The following XPR1 variants were observed in gnomAD, a reference collection of about 807,000 sequenced individuals.
XPR1 encodes the protein xenotropic and polytropic retrovirus receptor 1.
A neutral mutation model predicts 87.5 loss-of-function variants in XPR1; 28 were observed. The ratio of observed to expected loss-of-function variants is 0.32; its 90% CI spans 0.24 to 0.44. XPR1 has a LOEUF of 0.44. Among genes scored for constraint, XPR1 ranks in the 20% least tolerant of loss-of-function variants. The probability of loss-of-function intolerance (pLI) is 1.00; values close to 1 mark genes in which losing one functional copy is unlikely to be tolerated. For missense variants in XPR1, 559 were observed against 862.3 expected, an observed-to-expected ratio of 0.65 and a Z score of 4.41; for synonymous variants, 300 against 306.1, an observed-to-expected ratio of 0.98 and a Z score of 0.21.
intron 2 of XPR1, among the ~76,000 whole-genome samples, chr1:180,687,949 A>G (rs73051239): frequency 0.037 from 5,543 of 151,086 alleles, 194 homozygotes; most frequent in African/African-American, 0.09. Context: ...CTACTCTTCT[A>G]TGTAATCACT....
chr1:180,835,998 C>A (rs145129089), intron 10 of XPR1, among the ~76,000 whole-genome samples: 5 of 152,230 alleles, frequency 3.3e-5, no homozygotes, highest in African/African-American at 9.6e-5. Flanking sequence ...TCTGAGAGAG[C>A]AAATTTCCCC....
intron 2 of XPR1, among the ~76,000 whole-genome samples, chr1:180,708,081 GA>G (rs1657619521): frequency 1.3e-5 from 2 of 152,092 alleles, no homozygotes; most frequent in South Asian, 4.1e-4. Flanking sequence ...GAAAAAACTG[GA>G]AAAAATAGAT....
intron 1 of XPR1, among the ~76,000 whole-genome samples, chr1:180,675,467 T>G (rs1656336871): frequency 6.6e-6 from 1 of 152,226 alleles, no homozygotes; most frequent in Non-Finnish European, 1.5e-5. Context: ...CTTATATTAC[T>G]TAGTTTTCAG....
At chr1:180,806,791 T>C (rs1310560816) in intron 6 of XPR1, among the ~76,000 whole-genome samples, 1 of 152,200 alleles carries the variant, frequency 6.6e-6, no homozygotes, top group Non-Finnish European at 1.5e-5. Flanking sequence ...TACTGACATG[T>C]TAACTTACTG....
chr1:180,665,234 A>G (rs183283037), intron 1 of XPR1, among the ~76,000 whole-genome samples: 2 of 152,174 alleles, frequency 1.3e-5, no homozygotes, highest in Non-Finnish European at 2.9e-5. Context: ...ATCAGACCTC[A>G]TGAGACTCAC....
intron 4 of XPR1, among the ~76,000 whole-genome samples, chr1:180,805,091 A>G (rs1649942003): frequency 6.6e-6 from 1 of 152,206 alleles, no homozygotes; most frequent in Non-Finnish European, 1.5e-5. Context: ...TCTATTCTGT[A>G]AGAATACATT....
At chr1:180,738,063 G>T (rs1376653092) in intron 2 of XPR1, among the ~76,000 whole-genome samples, 1 of 152,060 alleles carries the variant, frequency 6.6e-6, no homozygotes, top group Non-Finnish European at 1.5e-5. Flanking sequence ...CCAGGCTGGA[G>T]CGCAGTGGCA....
chr1:180,859,746 T>C (rs1652158061), intron 11 of XPR1, among the ~76,000 whole-genome samples: 1 of 152,180 alleles, frequency 6.6e-6, no homozygotes, highest in Non-Finnish European at 1.5e-5. Context: ...AGTCCTCATG[T>C]ATGTTTCATA....
At chr1:180,703,219 A>G (rs982327777) in intron 2 of XPR1, among the ~76,000 whole-genome samples, 1 of 152,060 alleles carries the variant, frequency 6.6e-6, no homozygotes, top group African/African-American at 2.4e-5. Context: ...AAGCCACTGG[A>G]TGGCATGTGT....
chr1:180,838,807 G>A (rs1420384743), intron 11 of XPR1, among the ~76,000 whole-genome samples: 1 of 151,940 alleles, frequency 6.6e-6, no homozygotes, highest in Non-Finnish European at 1.5e-5. Context: ...ATATATTTTT[G>A]TTTTAATGAC....
intron 2 of XPR1, among the ~76,000 whole-genome samples, chr1:180,781,641 A>G (rs935908911): frequency 2.0e-5 from 3 of 149,872 alleles, no homozygotes; most frequent in Admixed American, 6.7e-5. Flanking sequence ...CCTTCACTCC[A>G]ATTTTCTCAC....
At chr1:180,678,500 C>A (rs1379925644) in intron 1 of XPR1, among the ~76,000 whole-genome samples, 1 of 152,126 alleles carries the variant, frequency 6.6e-6, no homozygotes, top group African/African-American at 2.4e-5. Context: ...TTTTATTATA[C>A]CTCAGTTGCA....
intron 2 of XPR1, among the ~76,000 whole-genome samples, chr1:180,719,590 T>G (rs1321713360): frequency 6.6e-6 from 1 of 152,250 alleles, no homozygotes; most frequent in African/African-American, 2.4e-5. Flanking sequence ...TTTTTCCGCC[T>G]TCTTTTATTT....
At chr1:180,823,067 C>T (rs768283293) in intron 7 of XPR1, among the ~76,000 whole-genome samples, 1 of 152,012 alleles carries the variant, frequency 6.6e-6, no homozygotes, top group Non-Finnish European at 1.5e-5. Flanking sequence ...TGATGAAACC[C>T]CGTCTCTACT....
chr1:180,863,414 G>T (rs746123738), intron 11 of XPR1, among the ~76,000 whole-genome samples: 1 of 152,078 alleles, frequency 6.6e-6, no homozygotes, highest in African/African-American at 2.4e-5. Context: ...TGTAACATTC[G>T]ACGCCTTCAT....
In XPR1 at chr1:180,880,082, T is replaced by G; in HGVS notation, c.1815T>G (p.Phe605Leu). 1.2e-6 allele frequency: 2 copies of G among 1,614,210 alleles called. No individual in the cohort carries two copies. Among genetic ancestry groups the G allele is most frequent in the Non-Finnish European group, 1.7e-6 (2 of 1,180,044 alleles). ...TCTACCCCATTTTGCTAAGGCGATTTGTGTGGAACTTCTTCCGCCTGGAGA... is the reference window on the plus strand; with the variant it reads ...TCTACCCCATTTTGCTAAGGCGATTGGTGTGGAACTTCTTCCGCCTGGAGA... ...VFAPLEVFRR[F>L]VWNFFRLENE... Residue 605 changes from phenylalanine to leucine, a missense_variant, in exon 14 of 15, where the codon TTT (phenylalanine) becomes TTG (leucine). Transcript: ENST00000367590.
At chr1:180,709,366 G>A (rs1657676300) in intron 2 of XPR1, among the ~76,000 whole-genome samples, 1 of 151,980 alleles carries the variant, frequency 6.6e-6, no homozygotes, top group Non-Finnish European at 1.5e-5. Flanking sequence ...GTATACACTG[G>A]CGAAACCATA....
intron 7 of XPR1, among the ~76,000 whole-genome samples, chr1:180,813,930 T>G (rs1650314885): frequency 6.6e-6 from 1 of 152,208 alleles, no homozygotes; most frequent in African/African-American, 2.4e-5. Context: ...TGAATATCCA[T>G]AATATTCCAT....
intron 1 of XPR1, among the ~76,000 whole-genome samples, chr1:180,642,957 G>A (rs1030891422): frequency 2.2e-4 from 34 of 152,130 alleles, no homozygotes; most frequent in African/African-American, 6.8e-4. Flanking sequence ...ACAAAGATGA[G>A]TGGAAGTATC....
Sources: gnomAD v4.1 joint callset for allele counts (sites outside exome capture counted in the v4.1 genomes callset) on GRCh38, gnomAD v4.1.1 for gene constraint, MANE v1.5 for transcripts, NCBI Gene and HGNC (gene_info 2026-07-23, HGNC 2026-07-21) for gene names.